Variants in GCN1 observed in about 807,000 individuals in gnomAD.
GCN1 encodes stalled ribosome sensor GCN1.
Under a neutral mutation model 288.4 loss-of-function variants are expected in GCN1, and 90 were observed. The ratio of observed to expected loss-of-function variants is 0.31; its 90% CI spans 0.26 to 0.37. GCN1 has a LOEUF of 0.37. Ranked by LOEUF, GCN1 falls within the 10% of genes least tolerant of loss-of-function variation. The pLI, the probability that GCN1 is intolerant of heterozygous loss-of-function variation, is 1.00. For synonymous variants in GCN1, 1,386 were observed against 1,420.2 expected (o/e 0.98, Z 0.54); for missense variants, 2,586 against 3,419.9 (o/e 0.76, Z 6.08).
intron 1 of GCN1, among the ~76,000 whole-genome samples, chr12:120,194,084 A>G (rs1346926855): frequency 6.6e-6 from 1 of 152,246 alleles, no homozygotes; most frequent in East Asian, 1.9e-4. Context: ...GATAACAACC[A>G]ACATATATCA....
At chr12:120,173,993 G>T (rs1594283530) in intron 13 of GCN1, 78 bp downstream of exon 13, 1 of 1,065,034 alleles carries the variant, frequency 9.4e-7, no homozygotes, top group Non-Finnish European at 1.4e-6. Flanking sequence ...GAGGTTTATG[G>T]AAGGAAAGCT....
At position 120,157,743 on chromosome 12, in the gene GCN1, C is replaced by G. The variant is rs1877795918; in HGVS notation, c.3087+106G>C. On this transcript the variant is annotated intron_variant, in intron 26 of 57. Coordinates refer to ENST00000300648, the MANE Select transcript of GCN1 (RefSeq NM_006836.2). Reference sequence around the variant, plus strand: ...AGGCTGCTGTTGGTATAAACATACACTCTCTATTTCCCCACCAGGAACTGT... The same window carrying G: ...AGGCTGCTGTTGGTATAAACATACAGTCTCTATTTCCCCACCAGGAACTGT... The G allele has an allele frequency of 1.7e-5, 16 of 921,268 alleles. No individual in the cohort carries two copies. The South Asian group carries it at 2.7e-4, about 16-fold the overall frequency. The allele number at this position is 921,268 out of a possible 1,614,324, so 57.1% of individuals were successfully genotyped here. A position where few individuals can be genotyped will look rare whatever the true frequency, so the allele number is the denominator to read the frequency against.
chr12:120,172,428 ATG>A, intron 14 of GCN1, among the ~76,000 whole-genome samples: 2 of 152,216 alleles, frequency 1.3e-5, no homozygotes, highest in South Asian at 2.1e-4. Flanking sequence ...TAAAAGAAAT[ATG>A]TGAGTACAAA....
chr12:120,144,576 A>G lies in GCN1; in HGVS notation c.5352+63T>C. On this transcript the variant is annotated intron_variant, in intron 41 of 57. Transcript: ENST00000300648. This position sits in a 1 kb window ranked among gnomAD's most constrained non-coding sequence, Gnocchi z 4.7. ...AGCCAGCAGGGATCTCTAGCTCTCC[A>G]GGTGAGCACTTGCCTCCTGCCCTCC... The G allele has an allele frequency of 1.3e-6, 2 of 1,553,330 alleles. No homozygotes were observed. Among genetic ancestry groups the G allele is most frequent in the Non-Finnish European group, 1.8e-6 (2 of 1,131,212 alleles).
Position 120,142,617 on chromosome 12 carries a change from C to A in GCN1, c.5719G>T (p.Val1907Phe), listed in dbSNP as rs1271560344. 6.2e-7 allele frequency: 1 copy of A among 1,614,006 alleles called. No individual in the cohort carries two copies. Among genetic ancestry groups the A allele is most frequent in the African/African-American group, 1.3e-5 (1 of 75,062 alleles). The change falls in exon 44 of 58, where the codon GTC (valine) becomes TTC (phenylalanine). Residue 1907 changes from valine (V) to phenylalanine (F), a missense_variant. This residue lies in a region of GCN1 where 437 missense variants were observed against 570.5 expected (regional missense o/e 0.77). Coordinates refer to ENST00000300648, the MANE Select transcript of GCN1 (RefSeq NM_006836.2). This position sits in a 1 kb window ranked among gnomAD's most constrained non-coding sequence, Gnocchi z 4.9. ...GTATTGGAGACAACAATCTTCCAGA[C>A]ATGCAGGGACGCCTGCCGCACCACC... is the stretch of plus-strand genomic sequence containing the variant. ...QLVVRQASLH[V>F]WKIVVSNTPR...
At position 120,137,923 on chromosome 12, in the gene GCN1, A is replaced by G. The variant is rs1297546200; in HGVS notation, c.6371T>C (p.Leu2124Pro). 1.2e-6 allele frequency: 2 copies of G among 1,614,100 alleles called. No homozygotes were observed. Among genetic ancestry groups the G allele is most frequent in the South Asian group, 1.1e-5 (1 of 91,092 alleles). ...PAVMLALKEK[L>P]GTPDEQLEMA... ...TACCAGCTGCTCATCTGGGGTCCCAAGCTTTTCCTTCAGGGCCAGCATGAC... is the reference window on the plus strand; with the variant it reads ...TACCAGCTGCTCATCTGGGGTCCCAGGCTTTTCCTTCAGGGCCAGCATGAC... The change falls in exon 48 of 58, where the codon CTT becomes CCT. Residue 2124 changes from leucine (L) to proline (P), a missense_variant. Around this residue, in one of 8 missense-constraint regions of GCN1, gnomAD observed 437 missense variants for 570.5 expected, o/e 0.77. Transcript: ENST00000300648. The surrounding 1 kb of genome is among the most constrained non-coding windows in gnomAD (Gnocchi z 5.2).
chr12:120,178,294 G>A (rs1878541464), intron 7 of GCN1, among the ~76,000 whole-genome samples: 1 of 152,140 alleles, frequency 6.6e-6, no homozygotes, highest in African/African-American at 2.4e-5. Flanking sequence ...AGTTCCATGG[G>A]GGCAGGGGTC....
intron 2 of GCN1, among the ~76,000 whole-genome samples, chr12:120,185,954 G>A (rs980737570): frequency 2.0e-5 from 3 of 152,160 alleles, no homozygotes; most frequent in African/African-American, 7.2e-5. Flanking sequence ...CAGCCAGTCA[G>A]AGTGAAACAG....
intron 38 of GCN1, 59 bp downstream of exon 38, chr12:120,146,993 T>C: frequency 9.6e-7 from 1 of 1,045,352 alleles, no homozygotes; most frequent in Non-Finnish European, 1.3e-6. Flanking sequence ...TCTGCACCTC[T>C]GACTCTGCAC....
chr12:120,168,958 A>G (rs1455648577), intron 15 of GCN1, among the ~76,000 whole-genome samples: 1 of 152,088 alleles, frequency 6.6e-6, no homozygotes, highest in African/African-American at 2.4e-5. Flanking sequence ...TAACCAAAGG[A>G]GTTAAGTTCA....
chr12:120,145,596 A>AC (rs1297731392), intron 38 of GCN1, among the ~76,000 whole-genome samples: 2 of 151,980 alleles, frequency 1.3e-5, no homozygotes, highest in African/African-American at 2.4e-5. Context: ...ATGCTCTTGC[A>AC]CCTCCCACCC....
At chr12:120,165,182 G>A (rs1221113688) in intron 16 of GCN1, among the ~76,000 whole-genome samples, 2 of 151,884 alleles carry the variant, frequency 1.3e-5, no homozygotes, top group Admixed American at 1.3e-4. Flanking sequence ...GAGTAGCTGG[G>A]ACGACAGGCA....
In GCN1 at chr12:120,131,411, C is replaced by A; in HGVS notation, c.7415-78G>T. 2.9e-6 allele frequency: 4 copies of A among 1,400,126 alleles called. 1 individual carries two copies. In the South Asian group the frequency reaches 5.0e-5, roughly 17 times the overall value. 86.7% of individuals were successfully genotyped at this position (1,400,126 alleles called of 1,614,324 possible). A position where few individuals can be genotyped will look rare whatever the true frequency, so the allele number is the denominator to read the frequency against. On this transcript the variant is annotated intron_variant, in intron 54 of 57. Coordinates refer to ENST00000300648, the MANE Select transcript of GCN1 (RefSeq NM_006836.2). ...GCACCCATGAGGCCCATGGGCCCACCCCGCTGGAGACCAGTGTGCTGACCC... is the reference window on the plus strand; with the variant it reads ...GCACCCATGAGGCCCATGGGCCCACACCGCTGGAGACCAGTGTGCTGACCC...
chr12:120,187,912 G>C (rs1470609205), intron 2 of GCN1, among the ~76,000 whole-genome samples: 1 of 144,018 alleles, frequency 6.9e-6, no homozygotes, highest in Admixed American at 6.8e-5. Context: ...CAAAAAACTA[G>C]AATTTATTGA....
At position 120,138,303 on chromosome 12, in the gene GCN1, G is replaced by C; in HGVS notation, c.6249+20C>G. On this transcript the variant is annotated intron_variant, in intron 47 of 57. Transcript: ENST00000300648. Reference sequence around the variant, plus strand: ...CAATGCCCTGGAGCCAGAGGGTGTTGACCACATGTTGGGATTTACCTTGGG... The same window carrying C: ...CAATGCCCTGGAGCCAGAGGGTGTTCACCACATGTTGGGATTTACCTTGGG... 6.9e-7 allele frequency: 1 copy of C among 1,442,372 alleles called. No individual in the cohort carries two copies. The allele number at this position is 1,442,372 out of a possible 1,614,324, so 89.3% of individuals were successfully genotyped here.
In GCN1 at chr12:120,144,392, C is replaced by G; in HGVS notation, c.5409G>C (p.Arg1803=). ...CTGTCTCAGCGTACATGGAGATAAC[C>G]CGCTGGCCCGCGCGCAGGGCGGTGT... ...VRDTALRAGQ[R]VISMYAETAI... Residue 1803 remains arginine, a synonymous_variant, in exon 42 of 58, where the codon CGG becomes CGC. Coordinates refer to ENST00000300648, the MANE Select transcript of GCN1 (RefSeq NM_006836.2). The surrounding 1 kb of genome is among the most constrained non-coding windows in gnomAD (Gnocchi z 4.7). 6.2e-7 allele frequency: 1 copy of G among 1,614,210 alleles called. No homozygotes were observed. The highest frequency in any genetic ancestry group is 8.5e-7 in the Non-Finnish European group (1 of 1,180,008).
intron 12 of GCN1, among the ~76,000 whole-genome samples, chr12:120,174,904 T>C (rs1434782785): frequency 6.6e-6 from 1 of 150,418 alleles, no homozygotes; most frequent in Non-Finnish European, 1.5e-5. Flanking sequence ...GGCGGGCAGA[T>C]CACTTGACGC....
At position 120,159,871 on chromosome 12, in the gene GCN1, G is replaced by A. The variant is rs372310621; in HGVS notation, c.2703C>T (p.Phe901=). 1.2e-5 allele frequency: 20 copies of A among 1,614,090 alleles called. No homozygotes were observed. In the African/African-American group the frequency reaches 2.4e-4, roughly 19 times the overall value. ...GCATGACACAGGCAGCCAAGGACAA[G>A]AAGGGGTTCTTGATCCTGGGAGCAG... ...PLAAPRIKNP[F]LSLAACVMPS... The change falls in exon 24 of 58, where the codon TTC becomes TTT. Residue 901 remains phenylalanine, a synonymous_variant. Transcript: ENST00000300648.
intron 12 of GCN1, among the ~76,000 whole-genome samples, chr12:120,174,890 C>G (rs927372021): frequency 5.3e-5 from 8 of 151,418 alleles, no homozygotes; most frequent in Non-Finnish European, 1.2e-4. Context: ...CTTTGGGAGG[C>G]TGAGGCGGGC....
Sources: allele counts gnomAD v4.1 joint callset (sites outside exome capture counted in the v4.1 genomes callset), GRCh38; gene constraint gnomAD v4.1.1; regional missense constraint gnomAD v4.1.1; non-coding constraint Gnocchi (gnomAD v3.1); transcripts MANE v1.5; gene names NCBI Gene and HGNC (gene_info 2026-07-23, HGNC 2026-07-21).